PDE1A: variants seen among roughly 807,000 people sequenced by gnomAD.
The protein encoded by PDE1A is phosphodiesterase 1A, also known as dual specificity calcium/calmodulin-dependent 3',5'-cyclic nucleotide phosphodiesterase 1A.
PDE1A carries 35 observed loss-of-function variants against 61.7 expected under a neutral mutation model. The observed-to-expected ratio is 0.57, with a 90% CI of 0.43 to 0.75. The LOEUF (loss-of-function observed/expected upper bound fraction) is 0.75, where lower values mean the gene tolerates loss of function less well. PDE1A is among the 30% of genes least tolerant of loss of function. The pLI, the probability that PDE1A is intolerant of heterozygous loss-of-function variation, is 0.00. For missense variants in PDE1A, 597 were observed against 630.6 expected (o/e 0.95, Z 0.57); for synonymous variants, 232 against 213.2 (o/e 1.09, Z -0.77).
In PDE1A at chr2:182,209,548, C is replaced by T. The variant is rs187478519; in HGVS notation, c.777-3483G>A. 1.3e-4 allele frequency among the ~76,000 whole-genome samples: 20 copies of T among 151,252 alleles called. No individual in the cohort carries two copies. The East Asian group carries it at 2.0e-3, about 15-fold the overall frequency. ...TGATATGGTTTGGATCTGTGTCCCC[C>T]GCCCAAATCTCATATTGAATTGTAA... On this transcript the variant is annotated intron_variant, in intron 7 of 13. Coordinates refer to ENST00000351439, the Ensembl canonical transcript of PDE1A.
intron 1 of PDE1A, among the ~76,000 whole-genome samples, chr2:182,268,756 C>A (rs555262019): frequency 1.3e-5 from 2 of 152,104 alleles, no homozygotes; most frequent in African/African-American, 4.8e-5. Context: ...GGTTACCAGG[C>A]GTATCTGAGA....
exon 15 of PDE1A, chr2:182,141,913 C>T (rs1690244037): frequency 6.6e-6 from 1 of 152,152 alleles, no homozygotes; most frequent in South Asian, 2.1e-4. Context: ...TCTAATTGTG[C>T]TTGATCTTTC....
the PDE1A span, among the ~76,000 whole-genome samples, chr2:182,568,529 A>G: frequency 1.3e-5 from 2 of 152,034 alleles, no homozygotes; most frequent in Non-Finnish European, 2.9e-5. Context: ...AGCCAGGCGC[A>G]GTGGCGGGCG....
the PDE1A span, among the ~76,000 whole-genome samples, chr2:182,658,287 C>T: frequency 6.6e-6 from 1 of 152,168 alleles, no homozygotes; most frequent in East Asian, 1.9e-4. Context: ...CTGGTGATCA[C>T]TGGCAGTCCC....
At chr2:182,559,875 C>T in the PDE1A span, among the ~76,000 whole-genome samples, 4 of 152,046 alleles carry the variant, frequency 2.6e-5, no homozygotes, top group Non-Finnish European at 2.9e-5. Context: ...CAAAAGAATG[C>T]TTTGAATGAA....
the PDE1A span, among the ~76,000 whole-genome samples, chr2:182,690,224 C>T: frequency 6.6e-6 from 1 of 152,008 alleles, no homozygotes; most frequent in Non-Finnish European, 1.5e-5. Context: ...AGAGACACAA[C>T]AAAAAAATAA....
At chr2:182,681,874 C>T in the PDE1A span, among the ~76,000 whole-genome samples, 4 of 151,530 alleles carry the variant, frequency 2.6e-5, no homozygotes, top group African/African-American at 9.7e-5. Flanking sequence ...TCTCCATCTC[C>T]TGACCTCGTG....
At chr2:182,583,548 T>C in the PDE1A span, among the ~76,000 whole-genome samples, 3 of 152,142 alleles carry the variant, frequency 2.0e-5, no homozygotes, top group Non-Finnish European at 4.4e-5. Flanking sequence ...TTCCTTTGGG[T>C]AAGTCCAATT....
At chr2:182,217,484 C>G (rs1419439531) in intron 7 of PDE1A, among the ~76,000 whole-genome samples, 1 of 132,076 alleles carries the variant, frequency 7.6e-6, no homozygotes, top group East Asian at 2.2e-4. Context: ...AACAGGCAAC[C>G]TACAAAATGG....
At position 182,334,267 on chromosome 2, in the gene PDE1A, G is replaced by GACACAC. The variant is rs552771675; in HGVS notation, c.54-69859_54-69854dup. ...AATCCTGATACCAAACCCTGGAAGAGACACACACACACACACACACACATG... is the reference window on the plus strand; with the variant it reads ...AATCCTGATACCAAACCCTGGAAGAGACACACACACACACACACACACACACACATG... On this transcript the variant is annotated intron_variant, in intron 1 of 13. Coordinates refer to ENST00000351439, the Ensembl canonical transcript of PDE1A. Among the ~76,000 whole-genome samples, 348 of 145,808 alleles carry GACACAC rather than the reference G, an allele frequency of 2.4e-3. 4 individuals are homozygous for GACACAC. Among genetic ancestry groups the GACACAC allele is most frequent in the African/African-American group, 8.0e-3 (316 of 39,524 alleles).
At chr2:182,384,718 G>C (rs997385666) in intron 1 of PDE1A, among the ~76,000 whole-genome samples, 5 of 151,686 alleles carry the variant, frequency 3.3e-5, no homozygotes, top group Non-Finnish European at 5.9e-5. Context: ...AGTTCAAAAA[G>C]GAAAAGTGAA....
rs572293752 is a variant in PDE1A, at chr2:182,470,035, G to A, written c.101+52241C>T. On this transcript the variant is annotated intron_variant, in intron 2 of 14. Transcript: ENST00000410103. ...CAATAAATATAATAATAATGGAAAA[G>A]TTTGAAATAGTGCAAGAATTATCAG... is the stretch of plus-strand genomic sequence containing the variant. Among the ~76,000 whole-genome samples the A allele has an allele frequency of 2.0e-5, 3 of 151,702 alleles. No homozygotes were observed. In the South Asian group the frequency reaches 6.2e-4, roughly 31 times the overall value.
At chr2:182,559,834 C>T in the PDE1A span, among the ~76,000 whole-genome samples, 4 of 152,098 alleles carry the variant, frequency 2.6e-5, no homozygotes, top group Non-Finnish European at 5.9e-5. Context: ...CAGGATGACT[C>T]GCACAAGTAT....
chr2:182,693,988 A>T, the PDE1A span, among the ~76,000 whole-genome samples: 1 of 152,158 alleles, frequency 6.6e-6, no homozygotes. Context: ...TTTAATTCTG[A>T]TGAAGCCTGT....
intron 7 of PDE1A, among the ~76,000 whole-genome samples, chr2:182,211,875 A>G (rs1687631063): frequency 6.6e-6 from 1 of 152,160 alleles, no homozygotes; most frequent in African/African-American, 2.4e-5. Flanking sequence ...TGCTATAATC[A>G]CTTAGTTCCA....
chr2:182,274,302 C>T (rs1039980052), intron 1 of PDE1A, among the ~76,000 whole-genome samples: 1 of 152,062 alleles, frequency 6.6e-6, no homozygotes, highest in Non-Finnish European at 1.5e-5. Context: ...CAAAAATGCA[C>T]TAGCAGAGAA....
the PDE1A span, among the ~76,000 whole-genome samples, chr2:182,617,514 A>C: frequency 1.3e-5 from 2 of 152,170 alleles, no homozygotes; most frequent in East Asian, 1.9e-4. Flanking sequence ...TTCTATGAAC[A>C]CTTCTAGTGA....
At chr2:182,549,084 T>C in the PDE1A span, among the ~76,000 whole-genome samples, 1 of 152,180 alleles carries the variant, frequency 6.6e-6, no homozygotes, top group Non-Finnish European at 1.5e-5. Flanking sequence ...ATAATTCACT[T>C]TGGATTATAG....
At chr2:182,676,411 A>T in the PDE1A span, among the ~76,000 whole-genome samples, 2 of 151,882 alleles carry the variant, frequency 1.3e-5, no homozygotes, top group Non-Finnish European at 2.9e-5. Flanking sequence ...CTGAAATTGA[A>T]TCAGTAATAA....
Sources: gnomAD v4.1 joint callset for allele counts (sites outside exome capture counted in the v4.1 genomes callset) on GRCh38, gnomAD v4.1.1 for gene constraint, MANE v1.5 for transcripts, NCBI Gene and HGNC (gene_info 2026-07-23, HGNC 2026-07-21) for gene names.